EFCAB6: variants seen among roughly 807,000 people sequenced by gnomAD.
EFCAB6 encodes EF-hand calcium binding domain 6.
EFCAB6 carries 156 observed loss-of-function variants against 169.8 expected under a neutral mutation model. The ratio of observed to expected loss-of-function variants is 0.92; its 90% CI spans 0.81 to 1.05. EFCAB6 has a LOEUF of 1.05. Among genes scored for constraint, EFCAB6 ranks in the 50% least tolerant of loss-of-function variants. EFCAB6 has a pLI of 0.00. For synonymous variants in EFCAB6, 698 were observed against 676.4 expected, an observed-to-expected ratio of 1.03 and a Z score of -0.50; for missense variants, 1,800 against 1,829.1, an observed-to-expected ratio of 0.98 and a Z score of 0.29.
chr22:43,570,105 C>A (rs532511149), intron 26 of EFCAB6: 31 of 152,292 alleles, frequency 2.0e-4, no homozygotes, highest in African/African-American at 7.5e-4. Flanking sequence ...TGGTTGAAAA[C>A]TACATTCTTC....
intron 10 of EFCAB6, among the ~76,000 whole-genome samples, chr22:43,702,900 C>T (rs142187178): frequency 1.3e-5 from 2 of 152,304 alleles, no homozygotes; most frequent in East Asian, 3.9e-4. Flanking sequence ...ATTACCACCA[C>T]ATTGAATTTC....
At chr22:43,648,499 C>A (rs751062204) in intron 17 of EFCAB6, among the ~76,000 whole-genome samples, 7 of 152,150 alleles carry the variant, frequency 4.6e-5, no homozygotes, top group Non-Finnish European at 8.8e-5. Context: ...TAAGTGGGAG[C>A]TAAGCATTGA....
chr22:43,770,151 C>T (rs1466918256), intron 4 of EFCAB6, among the ~76,000 whole-genome samples: 3 of 152,032 alleles, frequency 2.0e-5, no homozygotes, highest in Admixed American at 2.0e-4. Flanking sequence ...GCCACCGTAC[C>T]CAGCCAAGGT....
At chr22:43,637,706 G>C (rs1378103773) in intron 17 of EFCAB6, among the ~76,000 whole-genome samples, 1 of 152,304 alleles carries the variant, frequency 6.6e-6, no homozygotes, top group East Asian at 1.9e-4. Flanking sequence ...AATGCTGAGA[G>C]TTCTGTGCCA....
At chr22:43,706,673 T>C (rs1432985950) in intron 10 of EFCAB6, among the ~76,000 whole-genome samples, 3 of 152,344 alleles carry the variant, frequency 2.0e-5, no homozygotes, top group East Asian at 1.9e-4. Context: ...GCACAAACAA[T>C]TGATCATGAT....
At chr22:43,622,541 G>A (rs1402331416) in intron 20 of EFCAB6, among the ~76,000 whole-genome samples, 2 of 152,146 alleles carry the variant, frequency 1.3e-5, no homozygotes, top group African/African-American at 2.4e-5. Context: ...ACTCCAGCCC[G>A]GGTGACAAGA....
chr22:43,715,729 T>C (rs2059312499), intron 9 of EFCAB6, among the ~76,000 whole-genome samples: 1 of 152,222 alleles, frequency 6.6e-6, no homozygotes, highest in African/African-American at 2.4e-5. Context: ...CTTTGTACTT[T>C]TTAGAATTGC....
chr22:43,636,416 G>A (rs1032069790), intron 17 of EFCAB6, among the ~76,000 whole-genome samples: 1 of 152,076 alleles, frequency 6.6e-6, no homozygotes, highest in African/African-American at 2.4e-5. Context: ...GTGCCCGTGT[G>A]TGCCAGGCAC....
chr22:43,802,799 T>C (rs765067987), intron 2 of EFCAB6: 39 of 497,048 alleles, frequency 7.8e-5, no homozygotes, highest in Non-Finnish European at 1.3e-4. Flanking sequence ...TTTTAATAAC[T>C]GTGTACCTCT....
chr22:43,611,984 T>C (rs555339326), intron 21 of EFCAB6, among the ~76,000 whole-genome samples: 1 of 152,088 alleles, frequency 6.6e-6, no homozygotes, highest in East Asian at 1.9e-4. Flanking sequence ...TGGAATAGAA[T>C]AGAGAGCCCA....
chr22:43,732,591 C>A (rs867441829), intron 7 of EFCAB6, among the ~76,000 whole-genome samples: 1 of 151,192 alleles, frequency 6.6e-6, no homozygotes, highest in Non-Finnish European at 1.5e-5. Flanking sequence ...CTCAGCCTAC[C>A]GAGTAGCTGG....
At chr22:43,797,842 C>G (rs1448681182) in intron 2 of EFCAB6, among the ~76,000 whole-genome samples, 4 of 152,182 alleles carry the variant, frequency 2.6e-5, no homozygotes, top group Non-Finnish European at 4.4e-5. Context: ...CCCTCTGCCT[C>G]AACCACACTG....
rs772426806 is a variant in EFCAB6 at position 43,632,206 on chromosome 22, G to A, written c.2131C>T (p.Pro711Ser). 13 of 1,614,040 alleles carry A rather than the reference G, an allele frequency of 8.1e-6. No homozygotes were observed. The highest frequency in any genetic ancestry group is 2.2e-5 in the South Asian group (2 of 91,080). The change falls in exon 19 of 32, where the codon CCG becomes TCG. Residue 711 changes from proline (P) to serine (S), a missense_variant. Physicochemically the swap from Pro to Ser is moderately conservative, Grantham distance 74. Coordinates refer to ENST00000262726, the MANE Select transcript of EFCAB6 (RefSeq NM_022785.4). ...PPMRGPETTP[P>S]QPPTPSKSYV... ...CTTTTTGAAGGAGTTGGAGGCTGCG[G>A]CGGAGTGGTTTCCGGCCCTCTCATT...
intron 18 of EFCAB6, among the ~76,000 whole-genome samples, chr22:43,633,280 T>G (rs1348462259): frequency 2.6e-5 from 4 of 152,224 alleles, no homozygotes; most frequent in Non-Finnish European, 5.9e-5. Context: ...CCAGGCACGT[T>G]GGCTCACGCC....
In EFCAB6 at chr22:43,577,816, A is replaced by G. The variant is rs191475825; in HGVS notation, c.3229-1328T>C. Among the ~76,000 whole-genome samples, 4 of 151,414 alleles carry G rather than the reference A, an allele frequency of 2.6e-5. No homozygotes were observed. In the East Asian group the frequency reaches 7.8e-4, roughly 30 times the overall value. On this transcript the variant is annotated intron_variant, in intron 25 of 31. Coordinates refer to ENST00000262726, the MANE Select transcript of EFCAB6 (RefSeq NM_022785.4). ...CTTCCCTCCCCACATTTAATCCCTC[A>G]CACCGCACCGGGACTCCGGAGCCCA...
intron 17 of EFCAB6, among the ~76,000 whole-genome samples, chr22:43,652,093 C>T (rs1195433285): frequency 6.6e-6 from 1 of 152,134 alleles, no homozygotes; most frequent in African/African-American, 2.4e-5. Context: ...AATGTGAGAA[C>T]ATGAGATTTG....
intron 17 of EFCAB6, among the ~76,000 whole-genome samples, chr22:43,647,329 A>G (rs970889283): frequency 6.6e-6 from 1 of 152,246 alleles, no homozygotes; most frequent in Non-Finnish European, 1.5e-5. Context: ...ATATGGAACT[A>G]TAACAAAACA....
intron 6 of EFCAB6, 73 bp downstream of exon 6, chr22:43,755,693 T>C: frequency 7.4e-7 from 1 of 1,360,250 alleles, no homozygotes; most frequent in South Asian, 1.4e-5. Context: ...TTTTCTATCA[T>C]CTACCTCCAC....
intron 2 of EFCAB6, among the ~76,000 whole-genome samples, chr22:43,789,606 G>C (rs542869006): frequency 6.6e-6 from 1 of 152,190 alleles, no homozygotes; most frequent in Non-Finnish European, 1.5e-5. Flanking sequence ...TACTGCAGCA[G>C]ACCTAATGCT....
Sources: allele counts gnomAD v4.1 joint callset (sites outside exome capture counted in the v4.1 genomes callset), GRCh38; gene constraint gnomAD v4.1.1; transcripts MANE v1.5; gene names NCBI Gene and HGNC (gene_info 2026-07-23, HGNC 2026-07-21).